IFT140: variants seen among roughly 807,000 people sequenced by gnomAD.
IFT140 encodes the protein intraflagellar transport 140, also known as intraflagellar transport protein 140 homolog.
Under a neutral mutation model 164.6 loss-of-function variants are expected in IFT140, and 133 were observed. The ratio of observed to expected loss-of-function variants is 0.81; its 90% CI spans 0.70 to 0.93. The LOEUF is 0.93. IFT140 is among the 40% of genes least tolerant of loss of function. The probability of loss-of-function intolerance (pLI) is 0.00; values close to 1 mark genes in which losing one functional copy is unlikely to be tolerated. For missense variants in IFT140, 2,045 were observed against 1,972.3 expected, an observed-to-expected ratio of 1.04 and a Z score of -0.70; for synonymous variants, 860 against 817.3, an observed-to-expected ratio of 1.05 and a Z score of -0.89.
intron 10 of IFT140, 89 bp downstream of exon 10, chr16:1,586,041 G>A (rs1477122296): frequency 6.6e-7 from 1 of 1,515,572 alleles, no homozygotes; most frequent in African/African-American, 1.4e-5. Context: ...AAAGTGCTGG[G>A]ATTACAGGCG....
At chr16:1,584,162 G>C in intron 11 of IFT140, 55 bp downstream of exon 11, 3 of 1,516,052 alleles carry the variant, frequency 2.0e-6, no homozygotes, top group Non-Finnish European at 2.7e-6. Context: ...GAACTACCTG[G>C]CCATGGGGCA....
At chr16:1,601,491 T>A (rs2035793820) in intron 4 of IFT140, among the ~76,000 whole-genome samples, 1 of 152,148 alleles carries the variant, frequency 6.6e-6, no homozygotes, top group South Asian at 2.1e-4. Flanking sequence ...CGTCTAAGCA[T>A]GTAGGGCTGA....
In IFT140 at chr16:1,583,329, C is replaced by T. The variant is rs149642543; in HGVS notation, c.1417G>A (p.Ala473Thr). ...AAGAACCCACCTGCACTCCGTATCG[C>T]GGCTCCAGAAAGCTCGAAGATCGCC... ...QVAIFELSGA[A>T]IRSAGTFLCE... is the part of the protein sequence containing the mutation. Residue 473 changes from alanine (A) to threonine (T), a missense_variant, in exon 12 of 31, where the codon GCG (alanine) becomes ACG (threonine). Transcript: ENST00000426508. 1.5e-4 allele frequency: 239 copies of T among 1,613,952 alleles called. No individual in the cohort carries two copies. The highest frequency in any genetic ancestry group is 2.3e-4 in the Admixed American group (14 of 60,006).
intron 2 of IFT140, 60 bp from the exon 3 acceptor site, chr16:1,607,357 T>G: frequency 7.2e-7 from 1 of 1,379,344 alleles, no homozygotes; most frequent in Non-Finnish European, 9.9e-7. Context: ...ACAATATGAC[T>G]GTACATGGAA....
At position 1,557,934 on chromosome 16, in the gene IFT140, C is replaced by A. The variant is rs376586707; in HGVS notation, c.2399+1G>T. ...AACATCCCAGTGGTCGGGATCCTCACCTTTTGATGAGCTTGATGGATTTGA... is the reference window on the plus strand; with the variant it reads ...AACATCCCAGTGGTCGGGATCCTCAACTTTTGATGAGCTTGATGGATTTGA... On this transcript the variant is annotated splice_donor_variant, in intron 19 of 30. Transcript: ENST00000426508. LOFTEE classifies it high-confidence loss of function. The A allele has an allele frequency of 2.9e-4, 474 of 1,613,066 alleles. No homozygotes were observed. The highest frequency in any genetic ancestry group is 3.9e-4 in the Non-Finnish European group (463 of 1,179,776).
In IFT140 at chr16:1,580,896, G is replaced by T; in HGVS notation, c.1433-46C>A. The T allele has an allele frequency of 2.3e-6, 3 of 1,320,534 alleles. No homozygotes were observed. The South Asian group carries it at 3.5e-5, about 16-fold the overall frequency. The allele number at this position is 1,320,534 out of a possible 1,614,324, so 81.8% of individuals were successfully genotyped here. A position where few individuals can be genotyped will look rare whatever the true frequency, so the allele number is the denominator to read the frequency against. On this transcript the variant is annotated intron_variant, in intron 12 of 30. Transcript: ENST00000426508. ...CAGGATGGCGGCCGCTCATCCGCCA[G>T]ACTTGCTGGGAGTTTCAGGAGCATT...
At chr16:1,521,309 G>A (rs1026204518) in intron 26 of IFT140, among the ~76,000 whole-genome samples, 5 of 152,020 alleles carry the variant, frequency 3.3e-5, no homozygotes, top group East Asian at 1.9e-4. Flanking sequence ...CAAGCAATCC[G>A]CCTGCCTTAG....
At chr16:1,556,451 A>G (rs1256326583) in intron 19 of IFT140, among the ~76,000 whole-genome samples, 1 of 152,234 alleles carries the variant, frequency 6.6e-6, no homozygotes, top group Non-Finnish European at 1.5e-5. Flanking sequence ...CCAAAAGGAG[A>G]AACTGCTGTG....
chr16:1,543,487 C>T (rs1029620543), intron 19 of IFT140, among the ~76,000 whole-genome samples: 8 of 152,084 alleles, frequency 5.3e-5, no homozygotes, highest in African/African-American at 1.9e-4. Flanking sequence ...GGAGGGGCCT[C>T]GAGGCTTCAG....
chr16:1,524,741 C>T (rs1765908808), intron 23 of IFT140, 43 bp downstream of exon 23: 2 of 1,585,378 alleles, frequency 1.3e-6, no homozygotes, highest in African/African-American at 1.3e-5. Context: ...GGCCTTGTGT[C>T]TGCCTCGTGT....
chr16:1,605,459 G>A (rs2142077465), intron 3 of IFT140, among the ~76,000 whole-genome samples: 1 of 152,286 alleles, frequency 6.6e-6, no homozygotes, highest in East Asian at 1.9e-4. Context: ...AGGCTGGAGT[G>A]CAGTGGCGTG....
chr16:1,518,583 A>C (rs1205413437), intron 29 of IFT140, among the ~76,000 whole-genome samples: 1 of 151,960 alleles, frequency 6.6e-6, no homozygotes, highest in African/African-American at 2.4e-5. Context: ...CTTGGACTGA[A>C]GACCAAAGAC....
At position 1,540,919 on chromosome 16, in the gene IFT140, G is replaced by C; in HGVS notation, c.2400-14123C>G. Reference sequence around the variant, plus strand: ...CTGACTCCAGGCTGAGTGTCTGTCAGCACACACATTGTCTGCTCTGCAGCG... The same window carrying C: ...CTGACTCCAGGCTGAGTGTCTGTCACCACACACATTGTCTGCTCTGCAGCG... On this transcript the variant is annotated intron_variant, in intron 19 of 30. Coordinates refer to ENST00000426508, the MANE Select transcript of IFT140 (RefSeq NM_014714.4). The C allele has an allele frequency of 3.0e-6, 3 of 985,426 alleles. No homozygotes were observed. In the South Asian group the frequency reaches 1.4e-4, roughly 46 times the overall value. The allele number at this position is 985,426 out of a possible 1,614,324, so 61.0% of individuals were successfully genotyped here.
intron 3 of IFT140, chr16:1,604,278 T>C (rs1415789308): frequency 8.1e-6 from 1 of 122,778 alleles, no homozygotes; most frequent in East Asian, 2.7e-4. Context: ...CAAGGGCGTG[T>C]GTGTGTGTGT....
At chr16:1,593,647 G>A (rs2141933465) in intron 4 of IFT140, among the ~76,000 whole-genome samples, 1 of 152,202 alleles carries the variant, frequency 6.6e-6, no homozygotes, top group East Asian at 1.9e-4. Context: ...GTATATCATG[G>A]GATGCCCCTC....
chr16:1,516,178 A>AAAAAAAC (rs2040337804), intron 30 of IFT140, among the ~76,000 whole-genome samples: 2 of 59,222 alleles, frequency 3.4e-5, no homozygotes, highest in Non-Finnish European at 2.7e-5. Flanking sequence ...AAAAAAAAAA[A>AAAAAAAC]CACCAGAAAT....
At position 1,520,345 on chromosome 16, in the gene IFT140, T is replaced by C; in HGVS notation, c.3661-2A>G. ...GGATTTGAGCAGCGCCCTCATGGCC[T>C]AGGCAGAGAGACAGCGGGGCTCAGG... On this transcript the variant is annotated splice_acceptor_variant, in intron 27 of 30. Transcript: ENST00000426508. LOFTEE classifies it high-confidence loss of function. 6.2e-7 allele frequency: 1 copy of C among 1,613,886 alleles called. No individual in the cohort carries two copies.
chr16:1,569,125 C>G (rs923499894), intron 14 of IFT140, among the ~76,000 whole-genome samples: 1 of 151,974 alleles, frequency 6.6e-6, no homozygotes. Flanking sequence ...CTGCCTCAGC[C>G]TCCCGAGTAG....
In IFT140 at chr16:1,511,000, C is replaced by A. The variant is rs754713055; in HGVS notation, c.4333G>T (p.Glu1445Ter). The change falls in exon 31 of 31, where the codon GAG (glutamate) becomes TAG (stop). Residue 1445 changes from glutamate to a stop codon, truncating the protein, a stop_gained. Coordinates refer to ENST00000426508, the MANE Select transcript of IFT140 (RefSeq NM_014714.4). LOFTEE classifies it high-confidence loss of function. The stretch of plus-strand genomic sequence containing the variant: ...TCCTCGTCCAGCTCCCTGGCGTCCT[C>A]CATGCTGTTGTGGCGGACCTGCTCG... ...VPEQVRHNSM[E>*]DARELDEEVV... The A allele has an allele frequency of 6.2e-7, 1 of 1,611,264 alleles. No individual in the cohort carries two copies. The highest frequency in any genetic ancestry group is 1.7e-5 in the Admixed American group (1 of 59,750).
Sources: gnomAD v4.1 joint callset for allele counts (sites outside exome capture counted in the v4.1 genomes callset) on GRCh38, gnomAD v4.1.1 for gene constraint, MANE v1.5 for transcripts, NCBI Gene and HGNC (gene_info 2026-07-23, HGNC 2026-07-21) for gene names.